Variants in MARF1 observed in about 807,000 individuals in gnomAD.
The protein encoded by MARF1 is limkain-b1.
Under a neutral mutation model 168.2 loss-of-function variants are expected in MARF1, and 24 were observed. The ratio of observed to expected loss-of-function variants is 0.14; its 90% CI spans 0.10 to 0.20. The LOEUF (loss-of-function observed/expected upper bound fraction) is 0.20, where lower values mean the gene tolerates loss of function less well. MARF1 is among the 10% of genes least tolerant of loss of function. The pLI is 1.00. For missense variants in MARF1, 1,744 were observed against 2,143.6 expected (o/e 0.81, Z 3.68); for synonymous variants, 868 against 822.4 (o/e 1.06, Z -0.95).
In MARF1 at chr16:15,598,773, G is replaced by A. The variant is rs562011794; in HGVS notation, c.4984+81C>T. 27 of 1,383,250 alleles carry A rather than the reference G, an allele frequency of 2.0e-5. 1 individual carries two copies. The highest frequency in any genetic ancestry group is 1.0e-4 in the African/African-American group (7 of 70,052). The allele number at this position is 1,383,250 out of a possible 1,614,324, so 85.7% of individuals were successfully genotyped here. On this transcript the variant is annotated intron_variant, in intron 26 of 26. Coordinates refer to ENST00000396368, the MANE Select transcript of MARF1 (RefSeq NM_014647.4). ...AAAGGGGTAGTCCCTTCCCACCTCC[G>A]TCATTTACTATATCAGTATCTCATC...
chr16:15,613,522 C>T lies in MARF1; in HGVS notation c.3254-745G>A, dbSNP rs537325538. ...AATAAATACAAAAAAATTAGCCGGG[C>T]GTGGTGGCAGGCACCTGTAGTCCCA... On this transcript the variant is annotated intron_variant, in intron 16 of 26. Transcript: ENST00000396368. Among the ~76,000 whole-genome samples, 5 of 151,678 alleles carry T rather than the reference C, an allele frequency of 3.3e-5. No individual in the cohort carries two copies. The East Asian group carries it at 5.8e-4, about 18-fold the overall frequency.
At chr16:15,624,160 C>A (rs2034669857) in intron 10 of MARF1, among the ~76,000 whole-genome samples, 1 of 151,820 alleles carries the variant, frequency 6.6e-6, no homozygotes, top group Non-Finnish European at 1.5e-5. Flanking sequence ...ACCTCATGAT[C>A]CTCCCGCCTC....
chr16:15,609,436 C>A, intron 20 of MARF1, 87 bp downstream of exon 20: 1 of 1,114,854 alleles, frequency 9.0e-7, no homozygotes, highest in East Asian at 2.6e-5. Context: ...TCCCTACTTC[C>A]CAGAAAAACA....
rs577708700 is a variant in MARF1 at position 15,636,087 on chromosome 16, C to T, written c.400G>A (p.Ala134Thr). The T allele has an allele frequency of 7.9e-5, 128 of 1,614,214 alleles. No homozygotes were observed. The South Asian group carries it at 8.6e-4, about 11-fold the overall frequency. ...CTGGTGCTTTGCGAGTCTAACAGTGCGCCCGGGTGAATCAAGCTACTGGTA... is the reference window on the plus strand; with the variant it reads ...CTGGTGCTTTGCGAGTCTAACAGTGTGCCCGGGTGAATCAAGCTACTGGTA... Reference protein sequence around the residue: ...GGTSSLIHPGALLDSQSTRTI... With the variant: ...GGTSSLIHPGTLLDSQSTRTI... Residue 134 changes from alanine (A) to threonine (T), a missense_variant, in exon 3 of 27, where the codon GCA (alanine) becomes ACA (threonine). This residue lies in a region of MARF1 where 318 missense variants were observed against 336.6 expected (regional missense o/e 0.94). Transcript: ENST00000396368.
At position 15,596,639 on chromosome 16, in the gene MARF1, G is replaced by C; in HGVS notation, c.*54C>G. 6.8e-7 allele frequency: 1 copy of C among 1,479,732 alleles called. No individual in the cohort carries two copies. The highest frequency in any genetic ancestry group is 1.4e-5 in the African/African-American group (1 of 71,140). 91.7% of individuals were successfully genotyped at this position (1,479,732 alleles called of 1,614,324 possible). A position where few individuals can be genotyped will look rare whatever the true frequency, so the allele number is the denominator to read the frequency against. The stretch of plus-strand genomic sequence containing the variant: ...GGATGTATTTTTGAAACCCACTTTT[G>C]TGTGCAGAATCAGACAGTGTTTTCC... On this transcript the variant is annotated 3_prime_UTR_variant, in exon 27 of 27. Transcript: ENST00000396368.
chr16:15,597,202 G>T (rs1406313666), intron 26 of MARF1, among the ~76,000 whole-genome samples: 1 of 152,136 alleles, frequency 6.6e-6, no homozygotes, highest in Non-Finnish European at 1.5e-5. Flanking sequence ...ATGAGCAAAG[G>T]TTAAAACTTT....
rs1340959727 is a variant in MARF1, at chr16:15,625,543, A to G, written c.1782T>C (p.Ser594=). 9 of 1,613,886 alleles carry G rather than the reference A, an allele frequency of 5.6e-6. No homozygotes were observed. The highest frequency in any genetic ancestry group is 7.6e-6 in the Non-Finnish European group (9 of 1,180,014). ...PKNRELCETK[S]SNAIADKVKS... is the part of the protein sequence containing the mutation. ...TCACTTTATCAGCAATTGCATTTGA[A>G]CTCTTTGTTTCACAGAGTTCTCTAT... Residue 594 remains serine (S), a synonymous_variant, in exon 8 of 27, where the codon AGT becomes AGC. Transcript: ENST00000396368.
intron 1 of MARF1, among the ~76,000 whole-genome samples, chr16:15,640,869 A>T (rs762361105): frequency 1.3e-5 from 2 of 152,296 alleles, no homozygotes; most frequent in East Asian, 3.9e-4. Flanking sequence ...CACAAAGCCT[A>T]TATTTACTAC....
intron 7 of MARF1, among the ~76,000 whole-genome samples, chr16:15,629,181 A>C (rs1351602783): frequency 6.6e-6 from 1 of 152,174 alleles, no homozygotes; most frequent in Non-Finnish European, 1.5e-5. Flanking sequence ...AGTGACCGTC[A>C]AACAGAAGCA....
intron 21 of MARF1, chr16:15,605,719 G>C (rs1385313730): frequency 6.6e-6 from 1 of 152,146 alleles, no homozygotes; most frequent in Non-Finnish European, 1.5e-5. Context: ...AATTCTATAA[G>C]AATCTGAAAG....
At position 15,602,082 on chromosome 16, in the gene MARF1, G is replaced by C. The variant is rs1198656961; in HGVS notation, c.4535C>G (p.Ser1512Cys). ...TCCGACATACTTGGTATAGGCCATG[G>C]AAAACTCATGAAGGAAAATCTGCTG... ...HYQQIFLHEF[S>C]MAYTKYVGET... The change falls in exon 23 of 27, where the codon TCC (serine) becomes TGC (cysteine). Residue 1512 changes from serine to cysteine, a missense_variant. Physicochemically the swap from Ser to Cys is moderately radical, Grantham distance 112. Around this residue, in one of 7 missense-constraint regions of MARF1, gnomAD observed 313 missense variants for 337.4 expected, o/e 0.93. Coordinates refer to ENST00000396368, the MANE Select transcript of MARF1 (RefSeq NM_014647.4). 4 of 1,614,058 alleles carry C rather than the reference G, an allele frequency of 2.5e-6. No individual in the cohort carries two copies. Among genetic ancestry groups the C allele is most frequent in the African/African-American group, 2.7e-5 (2 of 74,918 alleles).
At position 15,595,384 on chromosome 16, in the gene MARF1, CAT is replaced by C. The variant is rs1025866356; in HGVS notation, c.*1307_*1308del. The C allele has an allele frequency of 6.6e-6, 1 of 152,552 alleles. No individual in the cohort carries two copies. Among genetic ancestry groups the C allele is most frequent in the African/African-American group, 2.4e-5 (1 of 41,416 alleles). 9.4% of individuals were successfully genotyped at this position (152,552 alleles called of 1,614,324 possible). ...ATATAAACATTTCCCCAAAAGAAACCATCTAACTAGTGGAAGACCTTACGCCA... is the reference window on the plus strand; with the variant it reads ...ATATAAACATTTCCCCAAAAGAAACCCTAACTAGTGGAAGACCTTACGCCA... On this transcript the variant is annotated 3_prime_UTR_variant, in exon 27 of 27. Coordinates refer to ENST00000396368, the MANE Select transcript of MARF1 (RefSeq NM_014647.4).
intron 26 of MARF1, among the ~76,000 whole-genome samples, chr16:15,597,519 C>A (rs1027068571): frequency 6.6e-6 from 1 of 151,916 alleles, no homozygotes; most frequent in Non-Finnish European, 1.5e-5. Flanking sequence ...TGTGGCTGAG[C>A]CACATGTAAT....
intron 4 of MARF1, 28 bp downstream of exon 4, chr16:15,634,729 G>A: frequency 6.3e-7 from 1 of 1,595,560 alleles, no homozygotes; most frequent in Non-Finnish European, 8.6e-7. Flanking sequence ...ATTTAAATAT[G>A]CACATTTTAT....
intron 23 of MARF1, chr16:15,601,509 CT>C (rs2032423872): frequency 4.3e-6 from 1 of 231,034 alleles, no homozygotes; most frequent in South Asian, 6.5e-5. Flanking sequence ...CTCTTAGCCT[CT>C]CGACACTCCA....
chr16:15,616,814 G>A (rs981231780), intron 15 of MARF1: 9 of 475,614 alleles, frequency 1.9e-5, no homozygotes, highest in African/African-American at 7.8e-5. Context: ...TCTAATCATC[G>A]AAAGGTCTAG....
rs986173541 is a variant in MARF1, at chr16:15,631,365, AT to A, written c.1351+15del. ...CAGTGAGTTTAGCTGAAATTAGCAGATGTTTCTGTACTTACTTGACACAAGA... is the reference window on the plus strand; with the variant it reads ...CAGTGAGTTTAGCTGAAATTAGCAGAGTTTCTGTACTTACTTGACACAAGA... On this transcript the variant is annotated intron_variant, in intron 6 of 26. Coordinates refer to ENST00000396368, the MANE Select transcript of MARF1 (RefSeq NM_014647.4). 9.1e-6 allele frequency: 14 copies of A among 1,532,056 alleles called. No individual in the cohort carries two copies. The African/African-American group carries it at 1.8e-4, about 19-fold the overall frequency. 94.9% of individuals were successfully genotyped at this position (1,532,056 alleles called of 1,614,324 possible). A position where few individuals can be genotyped will look rare whatever the true frequency, so the allele number is the denominator to read the frequency against.
intron 3 of MARF1, chr16:15,635,217 A>G (rs2035504584): frequency 2.4e-6 from 1 of 423,404 alleles, no homozygotes; most frequent in Non-Finnish European, 4.2e-6. Flanking sequence ...TATTTTACAT[A>G]AAGGGTAGCA....
chr16:15,608,294 C>T lies in MARF1; in HGVS notation c.4179G>A (p.Val1393=). The change falls in exon 21 of 27, where the codon GTG becomes GTA. Residue 1393 remains valine, a synonymous_variant. Transcript: ENST00000396368. ...SALTQKLCHV[V]KVADIESGRQ... is the part of the protein sequence containing the mutation. Reference sequence around the variant, plus strand: ...AAAAAAAAAAAAAAACATTTACCTTCACGACATGGCAGAGTTTCTGAGTTA... The same window carrying T: ...AAAAAAAAAAAAAAACATTTACCTTTACGACATGGCAGAGTTTCTGAGTTA... 9.9e-7 allele frequency: 1 copy of T among 1,007,348 alleles called. No individual in the cohort carries two copies. Among genetic ancestry groups the T allele is most frequent in the Non-Finnish European group, 1.5e-6 (1 of 658,354 alleles). The allele number at this position is 1,007,348 out of a possible 1,614,324, so 62.4% of individuals were successfully genotyped here.
Sources: gnomAD v4.1 joint callset for allele counts (sites outside exome capture counted in the v4.1 genomes callset) on GRCh38, gnomAD v4.1.1 for gene constraint, gnomAD v4.1.1 regional missense constraint, MANE v1.5 for transcripts, NCBI Gene and HGNC (gene_info 2026-07-23, HGNC 2026-07-21) for gene names.